CEP192: variants seen among roughly 807,000 people sequenced by gnomAD.
CEP192 encodes the protein centrosomal protein 192, also known as centrosomal protein of 192 kDa.
Under a neutral mutation model 271.8 loss-of-function variants are expected in CEP192, and 151 were observed. The ratio of observed to expected loss-of-function variants is 0.56; its 90% CI spans 0.49 to 0.64. The LOEUF is 0.64. CEP192 is among the 30% of genes least tolerant of loss of function. The pLI is 0.00. For missense variants in CEP192, 2,910 were observed against 3,020.5 expected, an observed-to-expected ratio of 0.96 and a Z score of 0.86; for synonymous variants, 995 against 1,076.5, an observed-to-expected ratio of 0.92 and a Z score of 1.48.
intron 4 of CEP192, among the ~76,000 whole-genome samples, chr18:13,010,956 A>G (rs1255700664): frequency 1.3e-5 from 2 of 151,280 alleles, no homozygotes; most frequent in South Asian, 2.1e-4. Flanking sequence ...GCTGGGCACA[A>G]TGGTTCATGC....
intron 21 of CEP192, among the ~76,000 whole-genome samples, chr18:13,062,600 A>T (rs950370924): frequency 7.3e-5 from 11 of 151,382 alleles, no homozygotes; most frequent in South Asian, 2.1e-4. Context: ...TATTTAAAAA[A>T]TTTTTTGTGG....
At chr18:13,017,449 C>A in intron 7 of CEP192, 113 bp downstream of exon 7, 1 of 719,162 alleles carries the variant, frequency 1.4e-6, no homozygotes, top group Non-Finnish European at 2.1e-6. Context: ...TTTCTTTGGA[C>A]TCTGTGTTTC....
intron 3 of CEP192, among the ~76,000 whole-genome samples, chr18:13,002,846 A>G (rs886384581): frequency 1.3e-5 from 2 of 152,200 alleles, no homozygotes; most frequent in Non-Finnish European, 1.5e-5. Context: ...TCTATTCATT[A>G]CTTATATTTA....
intron 40 of CEP192, among the ~76,000 whole-genome samples, chr18:13,112,065 G>A (rs2040234254): frequency 6.6e-6 from 1 of 152,186 alleles, no homozygotes; most frequent in Non-Finnish European, 1.5e-5. Context: ...AAATAATTTG[G>A]CAGTTTCTCA....
At chr18:13,092,957 A>G (rs578248601) in intron 34 of CEP192, among the ~76,000 whole-genome samples, 2 of 152,266 alleles carry the variant, frequency 1.3e-5, no homozygotes, top group African/African-American at 4.8e-5. Flanking sequence ...GATCGAGATC[A>G]TCCTGGCTAA....
intron 5 of CEP192, 124 bp from the exon 6 acceptor site, chr18:13,015,204 C>T: frequency 1.2e-6 from 1 of 868,952 alleles, no homozygotes; most frequent in Non-Finnish European, 1.7e-6. Context: ...ATTGCCTAAG[C>T]TGTGATTTAC....
At chr18:13,007,727 T>C (rs920165207) in intron 3 of CEP192, among the ~76,000 whole-genome samples, 1 of 152,136 alleles carries the variant, frequency 6.6e-6, no homozygotes, top group African/African-American at 2.4e-5. Flanking sequence ...AAGTAAATTG[T>C]AGTTAGGGTT....
In CEP192 at chr18:13,103,310, A is replaced by C. The variant is rs145262145; in HGVS notation, c.6872-199A>C. Among the ~76,000 whole-genome samples the C allele has an allele frequency of 5.9e-5, 9 of 152,324 alleles. No individual in the cohort carries two copies. In the East Asian group the frequency reaches 1.7e-3, roughly 29 times the overall value. Reference sequence around the variant, plus strand: ...ATAAGCCCTTCGGTATTTTTGCATTATACTTGTAATAAAACCTAAAAGAGA... The same window carrying C: ...ATAAGCCCTTCGGTATTTTTGCATTCTACTTGTAATAAAACCTAAAAGAGA... On this transcript the variant is annotated intron_variant, in intron 38 of 44. Coordinates refer to ENST00000506447, the MANE Select transcript of CEP192 (RefSeq NM_032142.4).
At chr18:13,015,591 TTC>T in intron 6 of CEP192, 143 bp downstream of exon 6, 4 of 684,392 alleles carry the variant, frequency 5.8e-6, no homozygotes, top group African/African-American at 1.8e-5. Flanking sequence ...AAATGGCCAC[TTC>T]TATTAAGTGA....
intron 30 of CEP192, among the ~76,000 whole-genome samples, chr18:13,075,036 T>C (rs1349231839): frequency 6.6e-6 from 1 of 152,232 alleles, no homozygotes; most frequent in Non-Finnish European, 1.5e-5. Context: ...GTAATCTGAA[T>C]GTGTCTCCCA....
At chr18:13,047,981 A>G (rs1036638392) in intron 15 of CEP192, among the ~76,000 whole-genome samples, 3 of 152,180 alleles carry the variant, frequency 2.0e-5, no homozygotes, top group South Asian at 2.1e-4. Flanking sequence ...ACCTGGTACT[A>G]TATAATTAAA....
At chr18:13,036,524 C>G (rs552102242) in intron 11 of CEP192, among the ~76,000 whole-genome samples, 1 of 152,376 alleles carries the variant, frequency 6.6e-6, no homozygotes, top group African/African-American at 2.4e-5. Flanking sequence ...ATCTGGCTGG[C>G]ATACATTTCA....
At chr18:13,076,399 GT>G (rs35535147) in intron 30 of CEP192, among the ~76,000 whole-genome samples, 1 of 147,698 alleles carries the variant, frequency 6.8e-6, no homozygotes, top group Admixed American at 6.8e-5. Flanking sequence ...TGATTTTTGT[GT>G]TTTTAGTAGA....
chr18:13,104,573 C>T (rs1255440833), intron 39 of CEP192, among the ~76,000 whole-genome samples: 6 of 152,138 alleles, frequency 3.9e-5, no homozygotes, highest in Non-Finnish European at 7.3e-5. Flanking sequence ...GATTACGCCA[C>T]TGCACACCAG....
chr18:13,104,339 C>T (rs1430811192), intron 39 of CEP192, among the ~76,000 whole-genome samples: 1 of 152,044 alleles, frequency 6.6e-6, no homozygotes, highest in Non-Finnish European at 1.5e-5. Flanking sequence ...TAGTCTCCAC[C>T]AGGGTACCAC....
rs773225682 is a variant in CEP192 at position 13,087,186 on chromosome 18, G to A, written c.5786G>A (p.Gly1929Asp). 2 of 1,613,842 alleles carry A rather than the reference G, an allele frequency of 1.2e-6. No individual in the cohort carries two copies. Among genetic ancestry groups the A allele is most frequent in the African/African-American group, 1.3e-5 (1 of 74,922 alleles). ...GSRAAFVKAV[G>D]FKDSQKKVLL... ...CGAGCAGCTTTTGTTAAAGCAGTAG[G>A]TTTTAAGGATTCTCAGAAAAAAGTT... is the stretch of plus-strand genomic sequence containing the variant. The change falls in exon 31 of 45, where the codon GGT becomes GAT. Residue 1929 changes from glycine (G) to aspartate (D), a missense_variant. Gly to Asp is a moderately conservative substitution (Grantham distance 94). Transcript: ENST00000506447.
rs146892687 is a variant in CEP192, at chr18:13,073,073, A to G, written c.5504A>G (p.Lys1835Arg). Residue 1835 changes from lysine to arginine, a missense_variant, in exon 30 of 45, where the codon AAG becomes AGG. By Grantham distance (26) the Lys-to-Arg change is conservative (BLOSUM62 2). Transcript: ENST00000506447. ...TSNCEIRIHP[K>R]EDIFISVLFA... Reference sequence around the variant, plus strand: ...AACTGTGAGATCAGAATTCACCCAAAGGAAGACATTTTCATCTCTGTATTA... The same window carrying G: ...AACTGTGAGATCAGAATTCACCCAAGGGAAGACATTTTCATCTCTGTATTA... 1.0e-3 allele frequency: 1,668 copies of G among 1,613,882 alleles called. 8 individuals are homozygous for G. The highest frequency in any genetic ancestry group is 5.4e-4 in the Non-Finnish European group (632 of 1,179,916).
At chr18:13,115,386 G>C (rs2040381899) in intron 42 of CEP192, among the ~76,000 whole-genome samples, 1 of 152,216 alleles carries the variant, frequency 6.6e-6, no homozygotes, top group Non-Finnish European at 1.5e-5. Flanking sequence ...GCCTAGGTGA[G>C]GAGGGTCGGA....
At chr18:13,008,428 A>T in intron 3 of CEP192, 28 bp from the exon 4 acceptor site, 2 of 1,442,072 alleles carry the variant, frequency 1.4e-6, no homozygotes. Context: ...CTAACATTTT[A>T]TCATTCTTCT....
Sources: allele counts gnomAD v4.1 joint callset (sites outside exome capture counted in the v4.1 genomes callset), GRCh38; gene constraint gnomAD v4.1.1; transcripts MANE v1.5; gene names NCBI Gene and HGNC (gene_info 2026-07-23, HGNC 2026-07-21).